WASHC4: variants seen among roughly 807,000 people sequenced by gnomAD.
The protein encoded by WASHC4 is WASH complex subunit 4.
WASHC4 carries 86 observed loss-of-function variants against 166.6 expected under a neutral mutation model. That is an observed-to-expected ratio of 0.52 (90% CI 0.43 to 0.62). The LOEUF is 0.62. Among genes scored for constraint, WASHC4 ranks in the 20% least tolerant of loss-of-function variants. The pLI, the probability that WASHC4 is intolerant of heterozygous loss-of-function variation, is 0.00. For missense variants in WASHC4, 1,262 were observed against 1,382.4 expected, an observed-to-expected ratio of 0.91 and a Z score of 1.38; for synonymous variants, 446 against 451.6, an observed-to-expected ratio of 0.99 and a Z score of 0.16.
At chr12:105,131,567 G>A (rs1435702311) in intron 13 of WASHC4, among the ~76,000 whole-genome samples, 1 of 152,148 alleles carries the variant, frequency 6.6e-6, no homozygotes, top group African/African-American at 2.4e-5. Flanking sequence ...TGCTCATCAG[G>A]GAGAGTTCCA....
intron 24 of WASHC4, 163 bp downstream of exon 24, chr12:105,147,309 T>C (rs879495028): frequency 2.7e-5 from 17 of 628,772 alleles, no homozygotes; most frequent in Non-Finnish European, 4.8e-5. Context: ...GGTCCTAAAA[T>C]TGTGTTGGAT....
intron 25 of WASHC4, 134 bp downstream of exon 25, chr12:105,149,883 A>G (rs541484968): frequency 1.9e-5 from 16 of 843,012 alleles, no homozygotes; most frequent in African/African-American, 5.2e-5. Context: ...ACTCTGCATT[A>G]TCTGTAGGCT....
Position 105,144,437 on chromosome 12 carries a change from C to G in WASHC4, c.2161C>G (p.Arg721Gly), listed in dbSNP as rs775943983. 6.2e-7 allele frequency: 1 copy of G among 1,611,856 alleles called. No homozygotes were observed. Among genetic ancestry groups the G allele is most frequent in the Non-Finnish European group, 8.5e-7 (1 of 1,179,148 alleles). ...TCTGAATCCAATTCGGTTTTTCAAT[C>G]GTTTCATTGACATTCGGGGTGAGTG... ...FSLNPIRFFN[R>G]FIDIRAYVTH... Residue 721 changes from arginine to glycine, a missense_variant, in exon 21 of 33, where the codon CGT (arginine) becomes GGT (glycine). By Grantham distance (125) the Arg-to-Gly change is moderately radical (BLOSUM62 -2). Coordinates refer to ENST00000332180, the MANE Select transcript of WASHC4 (RefSeq NM_015275.3).
intron 29 of WASHC4, among the ~76,000 whole-genome samples, chr12:105,161,136 TTTA>T (rs1884470634): frequency 6.6e-6 from 1 of 152,188 alleles, no homozygotes; most frequent in African/African-American, 2.4e-5. Context: ...GATGAAGCTC[TTTA>T]TTATATTTAA....
chr12:105,167,432 A>C lies in WASHC4; in HGVS notation c.*501A>C, dbSNP rs543463594. 6.2e-6 allele frequency: 1 copy of C among 160,384 alleles called. No individual in the cohort carries two copies. Among genetic ancestry groups the C allele is most frequent in the South Asian group, 1.7e-4 (1 of 5,788 alleles). The allele number at this position is 160,384 out of a possible 1,614,324, so 9.9% of individuals were successfully genotyped here. A position where few individuals can be genotyped will look rare whatever the true frequency, so the allele number is the denominator to read the frequency against. On this transcript the variant is annotated 3_prime_UTR_variant, in exon 33 of 33. Coordinates refer to ENST00000332180, the MANE Select transcript of WASHC4 (RefSeq NM_015275.3). ...TATATGAAGATGGCTTTGATACTAG[A>C]GGTGAGGCACAAGTGTTTTATGTAC... is the stretch of plus-strand genomic sequence containing the variant.
chr12:105,136,959 T>A (rs1343719616), intron 14 of WASHC4, among the ~76,000 whole-genome samples: 1 of 152,176 alleles, frequency 6.6e-6, no homozygotes, highest in Non-Finnish European at 1.5e-5. Flanking sequence ...CTTTCACATG[T>A]GGTGGGACAG....
At chr12:105,118,193 A>G (rs1350705730) in intron 6 of WASHC4, among the ~76,000 whole-genome samples, 2 of 151,272 alleles carry the variant, frequency 1.3e-5, no homozygotes, top group Non-Finnish European at 2.9e-5. Flanking sequence ...ATAAGTAACT[A>G]CAATATTAGA....
intron 13 of WASHC4, 22 bp from the exon 14 acceptor site, chr12:105,133,748 C>G: frequency 1.9e-6 from 3 of 1,607,194 alleles, no homozygotes; most frequent in Non-Finnish European, 2.6e-6. Flanking sequence ...TGCTGAGTAA[C>G]CCCAATATTT....
rs367709829 is a variant in WASHC4 at position 105,114,764 on chromosome 12, CT to C, written c.321+338del. Among the ~76,000 whole-genome samples, 69 of 152,162 alleles carry C rather than the reference CT, an allele frequency of 4.5e-4. No individual in the cohort carries two copies. In the East Asian group the frequency reaches 0.011, roughly 25 times the overall value. ...GAGTTTGTGTTACCTGCCATATATA[CT>C]GGCTATCTAGAGAAAACTGATTTTT... On this transcript the variant is annotated intron_variant, in intron 4 of 32. Transcript: ENST00000332180.
chr12:105,132,895 G>A (rs1881987146), intron 13 of WASHC4, among the ~76,000 whole-genome samples: 2 of 151,506 alleles, frequency 1.3e-5, no homozygotes, highest in Admixed American at 1.3e-4. Context: ...TTTATAGTCC[G>A]ATTCTGACCA....
At position 105,144,404 on chromosome 12, in the gene WASHC4, T is replaced by C. The variant is rs1566018499; in HGVS notation, c.2128T>C (p.Phe710Leu). The C allele has an allele frequency of 6.2e-7, 1 of 1,613,632 alleles. No homozygotes were observed. Reference protein sequence around the residue: ...FKVGMKDLALFFSLNPIRFFN... With the variant: ...FKVGMKDLALLFSLNPIRFFN... ...AGTTGGCATGAAAGACCTGGCTCTT[T>C]TTTTCTCTCTGAATCCAATTCGGTT... The change falls in exon 21 of 33, where the codon TTT becomes CTT. Residue 710 changes from phenylalanine (F) to leucine (L), a missense_variant. Physicochemically the swap from Phe to Leu is conservative, Grantham distance 22 (BLOSUM62 0). Coordinates refer to ENST00000332180, the MANE Select transcript of WASHC4 (RefSeq NM_015275.3).
chr12:105,109,423 G>T (rs1180200662), intron 1 of WASHC4, among the ~76,000 whole-genome samples: 1 of 152,158 alleles, frequency 6.6e-6, no homozygotes. Flanking sequence ...AGTGCAGTCT[G>T]TTGACAAAGA....
intron 7 of WASHC4, 123 bp from the exon 8 acceptor site, chr12:105,120,432 C>A: frequency 1.5e-6 from 1 of 651,822 alleles, no homozygotes; most frequent in South Asian, 1.7e-5. Flanking sequence ...TTTTAAATAA[C>A]TAGAGCCTTA....
Position 105,107,795 on chromosome 12 carries a change from G to C in WASHC4, c.-6G>C. 1 of 1,549,918 alleles carries C rather than the reference G, an allele frequency of 6.5e-7. No homozygotes were observed. Among genetic ancestry groups the C allele is most frequent in the South Asian group, 1.2e-5 (1 of 84,004 alleles). ...TGGGGCTGTGTCTGTGGGAGGCGCC[G>C]GGGTGATGGCGGTGGAGACTCTGTC... On this transcript the variant is annotated 5_prime_UTR_variant, in exon 1 of 33. Coordinates refer to ENST00000332180, the MANE Select transcript of WASHC4 (RefSeq NM_015275.3).
intron 2 of WASHC4, among the ~76,000 whole-genome samples, chr12:105,113,453 T>G (rs1367941923): frequency 6.6e-6 from 1 of 152,048 alleles, no homozygotes; most frequent in Non-Finnish European, 1.5e-5. Flanking sequence ...ACAGACTCCA[T>G]CTCCGCAGTT....
In WASHC4 at chr12:105,155,774, G is replaced by A. The variant is rs1050019571; in HGVS notation, c.2759-952G>A. Among the ~76,000 whole-genome samples the A allele has an allele frequency of 1.2e-3, 177 of 152,262 alleles. 1 individual carries two copies. The highest frequency in any genetic ancestry group is 1.4e-3 in the East Asian group (7 of 5,182). ...GGAGAATCGCTTGAACTGCAGAGGC[G>A]GAGGTTGCAGTGAGCTGAGATCATA... On this transcript the variant is annotated intron_variant, in intron 26 of 32. Transcript: ENST00000332180.
Position 105,164,714 on chromosome 12 carries a change from A to G in WASHC4, c.3428A>G (p.Glu1143Gly). ...FFRADKTAAE[E>G]NQEKKEKEEE... ...AGAGCAGACAAGACTGCGGCTGAAG[A>G]AAACCAAGAAAAGAAAGAGAAGGAA... The change falls in exon 32 of 33, where the codon GAA becomes GGA. Residue 1143 changes from glutamate to glycine, a missense_variant. Physicochemically the swap from Glu to Gly is moderately conservative, Grantham distance 98. Coordinates refer to ENST00000332180, the MANE Select transcript of WASHC4 (RefSeq NM_015275.3). 1 of 1,613,036 alleles carries G rather than the reference A, an allele frequency of 6.2e-7. No homozygotes were observed. Among genetic ancestry groups the G allele is most frequent in the African/African-American group, 1.3e-5 (1 of 75,044 alleles).
At chr12:105,145,606 T>C (rs1196804) in intron 22 of WASHC4, among the ~76,000 whole-genome samples, 1 of 151,764 alleles carries the variant, frequency 6.6e-6, no homozygotes, top group African/African-American at 2.4e-5. Flanking sequence ...TGCTAGGCAC[T>C]GAACTATGTT....
chr12:105,144,479 A>G (rs766462924), intron 21 of WASHC4, 24 bp downstream of exon 21: 5 of 1,574,734 alleles, frequency 3.2e-6, no homozygotes, highest in Non-Finnish European at 4.4e-6. Flanking sequence ...TTTCCTTCTT[A>G]GAGTCATATT....
Sources: gnomAD v4.1 joint callset for allele counts (sites outside exome capture counted in the v4.1 genomes callset) on GRCh38, gnomAD v4.1.1 for gene constraint, MANE v1.5 for transcripts, NCBI Gene and HGNC (gene_info 2026-07-23, HGNC 2026-07-21) for gene names.